The following KCND2 variants were observed in gnomAD, a reference collection of about 807,000 sequenced individuals.
KCND2 encodes the protein potassium voltage-gated channel subfamily D member 2.
KCND2 carries 16 observed loss-of-function variants against 54.4 expected under a neutral mutation model. The ratio of observed to expected loss-of-function variants is 0.29; its 90% confidence interval spans 0.20 to 0.45. The LOEUF (loss-of-function observed/expected upper bound fraction) is 0.45, where lower values mean the gene tolerates loss of function less well. KCND2 is among the 20% of genes least tolerant of loss of function. KCND2 has a pLI of 1.00. For missense variants in KCND2, 486 were observed against 824.2 expected (o/e 0.59, Z 5.02); for synonymous variants, 317 against 310.7 (o/e 1.02, Z -0.21).
intron 1 of KCND2, among the ~76,000 whole-genome samples, chr7:120,402,163 A>G (rs1348622713): frequency 6.6e-6 from 1 of 152,180 alleles, no homozygotes; most frequent in Non-Finnish European, 1.5e-5. Context: ...TTTGTATTTC[A>G]TTTATAGAAT....
chr7:120,473,305 C>T (rs539032980), intron 1 of KCND2, among the ~76,000 whole-genome samples: 167 of 152,246 alleles, frequency 1.1e-3, no homozygotes, highest in African/African-American at 3.9e-3. Context: ...TTAACCACAG[C>T]GCTCATCGTC....
intron 1 of KCND2, among the ~76,000 whole-genome samples, chr7:120,285,973 A>G (rs1799335914): frequency 2.0e-5 from 3 of 151,926 alleles, no homozygotes; most frequent in Admixed American, 2.0e-4. Flanking sequence ...GAAAGAGTCC[A>G]AATACATTCA....
At chr7:120,496,131 C>T (rs964916807) in intron 1 of KCND2, among the ~76,000 whole-genome samples, 1 of 152,136 alleles carries the variant, frequency 6.6e-6, no homozygotes, top group African/African-American at 2.4e-5. Context: ...GAGGTAGAAG[C>T]ATCCACTCTG....
At chr7:120,519,186 C>T (rs1355711945) in intron 1 of KCND2, among the ~76,000 whole-genome samples, 1 of 151,834 alleles carries the variant, frequency 6.6e-6, no homozygotes, top group Non-Finnish European at 1.5e-5. Flanking sequence ...AAAACAACAA[C>T]AAAAACTTAG....
At chr7:120,517,096 A>G (rs1177558676) in intron 1 of KCND2, among the ~76,000 whole-genome samples, 1 of 152,170 alleles carries the variant, frequency 6.6e-6, no homozygotes, top group African/African-American at 2.4e-5. Flanking sequence ...TATTCATTTT[A>G]CAAATTATTG....
At chr7:120,746,091 C>G (rs1256926465) in intron 5 of KCND2, 64 bp downstream of exon 5, 2 of 1,567,608 alleles carry the variant, frequency 1.3e-6, no homozygotes, top group African/African-American at 2.7e-5. Context: ...GTCTTCTGCA[C>G]TCATGTTGTC....
intron 1 of KCND2, among the ~76,000 whole-genome samples, chr7:120,459,563 T>C (rs572031993): frequency 6.6e-5 from 10 of 152,282 alleles, no homozygotes; most frequent in African/African-American, 2.2e-4. Context: ...TCCTTTAACA[T>C]GTAAGATCAA....
chr7:120,565,342 T>C (rs1157967936), intron 1 of KCND2, among the ~76,000 whole-genome samples: 3 of 152,210 alleles, frequency 2.0e-5, no homozygotes, highest in Non-Finnish European at 4.4e-5. Flanking sequence ...ATTGTGTATC[T>C]TATGTAATGT....
intron 1 of KCND2, among the ~76,000 whole-genome samples, chr7:120,659,294 A>G (rs1305162887): frequency 7.2e-6 from 1 of 139,780 alleles, no homozygotes; most frequent in Non-Finnish European, 1.5e-5. Flanking sequence ...GATCCCAGCT[A>G]TCATCCCACA....
intron 1 of KCND2, among the ~76,000 whole-genome samples, chr7:120,314,703 G>C (rs932861298): frequency 4.6e-5 from 7 of 152,036 alleles, no homozygotes; most frequent in Non-Finnish European, 8.8e-5. Flanking sequence ...TGTCTCTATA[G>C]TATAATATTA....
intron 1 of KCND2, among the ~76,000 whole-genome samples, chr7:120,683,717 A>C (rs946061261): frequency 2.0e-5 from 3 of 152,196 alleles, no homozygotes; most frequent in African/African-American, 7.2e-5. Context: ...TAGCATAGTT[A>C]CAACAAAAGT....
intron 1 of KCND2, among the ~76,000 whole-genome samples, chr7:120,425,530 T>C (rs1170454026): frequency 6.6e-6 from 1 of 152,232 alleles, no homozygotes; most frequent in Non-Finnish European, 1.5e-5. Flanking sequence ...ATCACCCATT[T>C]AATTTCCAGC....
rs146277704 is a variant in KCND2 at position 120,572,298 on chromosome 7, A to G, written c.1116-160605A>G. Among the ~76,000 whole-genome samples the G allele has an allele frequency of 9.5e-4, 144 of 152,208 alleles. 1 individual carries two copies. The highest frequency in any genetic ancestry group is 1.4e-3 in the East Asian group (7 of 5,166). ...GTGAAAGAAGTGAATGTGTAGGTACATAGGTTGTAGTATTGGACTGCAGAG... is the reference window on the plus strand; with the variant it reads ...GTGAAAGAAGTGAATGTGTAGGTACGTAGGTTGTAGTATTGGACTGCAGAG... On this transcript the variant is annotated intron_variant, in intron 1 of 5. Coordinates refer to ENST00000331113, the MANE Select transcript of KCND2 (RefSeq NM_012281.3).
At chr7:120,681,974 A>G (rs917012452) in intron 1 of KCND2, among the ~76,000 whole-genome samples, 3 of 152,052 alleles carry the variant, frequency 2.0e-5, no homozygotes, top group African/African-American at 7.2e-5. Context: ...TAATAGTTCA[A>G]TGGGAAAGAT....
chr7:120,479,181 G>A (rs183838437), intron 1 of KCND2, among the ~76,000 whole-genome samples: 11 of 152,176 alleles, frequency 7.2e-5, no homozygotes, highest in Admixed American at 2.0e-4. Flanking sequence ...CAAAGGAAAA[G>A]CAAAATCTCC....
intron 1 of KCND2, among the ~76,000 whole-genome samples, chr7:120,646,289 A>G (rs1793441431): frequency 6.6e-6 from 1 of 152,134 alleles, no homozygotes; most frequent in South Asian, 2.1e-4. Flanking sequence ...CTTCTTCTCC[A>G]TGGCCTGCCT....
intron 1 of KCND2, among the ~76,000 whole-genome samples, chr7:120,309,550 GAC>G (rs200135604): frequency 3.0e-4 from 40 of 134,510 alleles, no homozygotes; most frequent in African/African-American, 4.8e-4. Context: ...ACCCCCCACA[GAC>G]ACACACACAC....
intron 1 of KCND2, among the ~76,000 whole-genome samples, chr7:120,483,507 A>G (rs1282865899): frequency 2.0e-5 from 3 of 152,204 alleles, no homozygotes. Flanking sequence ...ATCAGAAGCT[A>G]AAAAACAAGG....
At chr7:120,397,971 AAGTGTGTG>A (rs1287558350) in intron 1 of KCND2, among the ~76,000 whole-genome samples, 1 of 88,584 alleles carries the variant, frequency 1.1e-5, no homozygotes, top group African/African-American at 3.4e-5. Flanking sequence ...GTGTGTATAT[AAGTGTGTG>A]TGTGTGTGTG....
Sources: gnomAD v4.1 joint callset for allele counts (sites outside exome capture counted in the v4.1 genomes callset) on GRCh38, gnomAD v4.1.1 for gene constraint, MANE v1.5 for transcripts, NCBI Gene and HGNC (gene_info 2026-07-23, HGNC 2026-07-21) for gene names.